SDK1: variants seen among roughly 807,000 people sequenced by gnomAD.
SDK1 encodes the protein protein sidekick-1.
Under a neutral mutation model 245.5 loss-of-function variants are expected in SDK1, and 157 were observed. That is an observed-to-expected ratio of 0.64 (90% CI 0.56 to 0.73). SDK1 has a LOEUF of 0.73. SDK1 is among the 30% of genes least tolerant of loss of function. The pLI is 0.00. For missense variants in SDK1, 3,583 were observed against 3,002.3 expected (o/e 1.19, Z -4.52); for synonymous variants, 1,647 against 1,278.5 (o/e 1.29, Z -6.15).
rs373971199 is a variant in SDK1 at position 4,254,825 on chromosome 7, C to A, written c.6381+9020C>A. On this transcript the variant is annotated intron_variant, in intron 44 of 44. Transcript: ENST00000404826. ...GTCCATTTCCCCTGCACTGTGTGTG[C>A]TCTCATGTTGCTCCTCAGTCTTGGG... Among the ~76,000 whole-genome samples the A allele has an allele frequency of 9.9e-5, 15 of 152,108 alleles. 1 individual carries two copies. The highest frequency in any genetic ancestry group is 7.2e-4 in the Admixed American group (11 of 15,280).
At chr7:3,647,639 A>G (rs1207730731) in intron 4 of SDK1, among the ~76,000 whole-genome samples, 1 of 152,016 alleles carries the variant, frequency 6.6e-6, no homozygotes, top group Non-Finnish European at 1.5e-5. Flanking sequence ...CATGTTGCCC[A>G]GGCTGGTCTC....
chr7:3,621,280 C>G (rs1256887291), intron 2 of SDK1, among the ~76,000 whole-genome samples: 1 of 152,146 alleles, frequency 6.6e-6, no homozygotes, highest in Non-Finnish European at 1.5e-5. Context: ...GACTGGAGTT[C>G]AGGGACTTGC....
rs541225702 is a variant in SDK1 at position 3,460,652 on chromosome 7, A to G, written c.299-158428A>G. ...CCTACCCTTATTTTATAGGTTCTAT[A>G]AAATAATCGGAAAGGAATTAGAAAT... On this transcript the variant is annotated intron_variant, in intron 1 of 44. Transcript: ENST00000404826. Among the ~76,000 whole-genome samples, 29 of 152,300 alleles carry G rather than the reference A, an allele frequency of 1.9e-4. 2 individuals carry two copies. The highest frequency in any genetic ancestry group is 6.5e-4 in the African/African-American group (27 of 41,574).
chr7:3,466,558 T>C (rs1477292899), intron 1 of SDK1, among the ~76,000 whole-genome samples: 2 of 150,684 alleles, frequency 1.3e-5, no homozygotes, highest in Non-Finnish European at 3.0e-5. Context: ...CTGGCAGGTT[T>C]ACTCATCTTC....
intron 4 of SDK1, among the ~76,000 whole-genome samples, chr7:3,777,164 C>T (rs928209561): frequency 1.3e-5 from 2 of 152,202 alleles, no homozygotes; most frequent in Non-Finnish European, 2.9e-5. Context: ...GGGCTGTAAA[C>T]TTTGTTGTGA....
intron 1 of SDK1, among the ~76,000 whole-genome samples, chr7:3,561,201 C>T (rs146872262): frequency 6.6e-6 from 1 of 152,120 alleles, no homozygotes; most frequent in African/African-American, 2.4e-5. Flanking sequence ...CTCCACAGTT[C>T]TATTAGAATC....
chr7:3,401,791 A>T (rs1778894151), intron 1 of SDK1, among the ~76,000 whole-genome samples: 1 of 152,152 alleles, frequency 6.6e-6, no homozygotes, highest in Non-Finnish European at 1.5e-5. Flanking sequence ...CAAATACTTA[A>T]ACTGTTAACA....
chr7:3,748,123 CAT>C (rs371674588), intron 4 of SDK1, among the ~76,000 whole-genome samples: 1 of 151,994 alleles, frequency 6.6e-6, no homozygotes, highest in African/African-American at 2.4e-5. Context: ...TAAATGATGA[CAT>C]AATAGTTAAT....
intron 20 of SDK1, among the ~76,000 whole-genome samples, chr7:4,072,450 A>G (rs1321146677): frequency 6.6e-6 from 1 of 152,152 alleles, no homozygotes; most frequent in Non-Finnish European, 1.5e-5. Context: ...ATCGGATGTT[A>G]TCACCTTACC....
At chr7:3,703,772 G>A (rs553191267) in intron 4 of SDK1, among the ~76,000 whole-genome samples, 1 of 152,134 alleles carries the variant, frequency 6.6e-6, no homozygotes, top group Non-Finnish European at 1.5e-5. Context: ...CTTCTCCAAT[G>A]TCCTTCAAAA....
At chr7:3,364,700 C>G (rs1187635903) in intron 1 of SDK1, among the ~76,000 whole-genome samples, 2 of 152,134 alleles carry the variant, frequency 1.3e-5, no homozygotes, top group Non-Finnish European at 2.9e-5. Context: ...GCTTTGAAAT[C>G]AGGTACACTG....
At chr7:3,372,472 GT>G (rs1781251952) in intron 1 of SDK1, among the ~76,000 whole-genome samples, 1 of 152,178 alleles carries the variant, frequency 6.6e-6, no homozygotes, top group South Asian at 2.1e-4. Context: ...GAAAACCTCT[GT>G]GCTTCAGAAC....
At chr7:3,622,691 T>C (rs924925469) in intron 2 of SDK1, among the ~76,000 whole-genome samples, 5 of 152,330 alleles carry the variant, frequency 3.3e-5, no homozygotes, top group African/African-American at 7.2e-5. Context: ...ACGTTGTTGG[T>C]TGTATTGAAG....
At chr7:3,338,361 C>G (rs773067810) in intron 1 of SDK1, 3 of 511,788 alleles carry the variant, frequency 5.9e-6, no homozygotes, top group Non-Finnish European at 1.1e-5. Flanking sequence ...CAAACAAGGT[C>G]AGGGCACGAC....
At chr7:3,899,940 G>T (rs1781728277) in intron 5 of SDK1, among the ~76,000 whole-genome samples, 1 of 152,220 alleles carries the variant, frequency 6.6e-6, no homozygotes, top group Non-Finnish European at 1.5e-5. Flanking sequence ...ACATTCCCTT[G>T]ACCGCATGCA....
At chr7:3,894,900 C>T (rs1219833335) in intron 5 of SDK1, among the ~76,000 whole-genome samples, 1 of 151,886 alleles carries the variant, frequency 6.6e-6, no homozygotes, top group Non-Finnish European at 1.5e-5. Context: ...ACCATGTCGG[C>T]CAACTCCTGA....
At chr7:3,789,089 A>C (rs183441429) in intron 4 of SDK1, among the ~76,000 whole-genome samples, 1 of 152,344 alleles carries the variant, frequency 6.6e-6, no homozygotes, top group Non-Finnish European at 1.5e-5. Context: ...ATACAGCCTG[A>C]AAGAATGAAA....
At chr7:3,889,315 C>G (rs963073151) in intron 5 of SDK1, among the ~76,000 whole-genome samples, 1 of 152,260 alleles carries the variant, frequency 6.6e-6, no homozygotes, top group Non-Finnish European at 1.5e-5. Flanking sequence ...GCCATTCTCC[C>G]TGTCCTGGCC....
Position 4,241,753 on chromosome 7 carries a change from C to G in SDK1, c.6131-40C>G, listed in dbSNP as rs757768756. The G allele has an allele frequency of 3.7e-6, 6 of 1,612,644 alleles. No homozygotes were observed. In the South Asian group the frequency reaches 4.4e-5, roughly 12 times the overall value. On this transcript the variant is annotated intron_variant, in intron 42 of 44. Transcript: ENST00000404826. ...GCTTGGCGTGGCTGCGGTGGCCACA[C>G]CAGTAACACGTCTGTTCTCACTCTC...
Sources: allele counts gnomAD v4.1 joint callset (sites outside exome capture counted in the v4.1 genomes callset), GRCh38; gene constraint gnomAD v4.1.1; transcripts MANE v1.5; gene names NCBI Gene and HGNC (gene_info 2026-07-23, HGNC 2026-07-21).